Variants in SMYD2 observed in about 807,000 individuals in gnomAD.
SMYD2 encodes N-lysine methyltransferase SMYD2.
A neutral mutation model predicts 59.1 loss-of-function variants in SMYD2; 53 were observed. The ratio of observed to expected loss-of-function variants is 0.90; its 90% confidence interval spans 0.72 to 1.13. SMYD2 has a LOEUF of 1.13. SMYD2 is among the 50% of genes most tolerant of loss of function. SMYD2 has a pLI of 0.00. For synonymous variants in SMYD2, 208 were observed against 198.8 expected (o/e 1.05, Z -0.39); for missense variants, 494 against 544.7 (o/e 0.91, Z 0.93).
At chr1:214,284,081 G>A (rs545186853) in intron 1 of SMYD2, among the ~76,000 whole-genome samples, 126 of 152,106 alleles carry the variant, frequency 8.3e-4, no homozygotes, top group African/African-American at 2.9e-3. Flanking sequence ...GGTGCCATTG[G>A]AGAACATGCG....
rs1209462194 is a variant in SMYD2, at chr1:214,318,577, C to T, written c.410-282C>T. Among the ~76,000 whole-genome samples, 1 of 152,098 alleles carries T rather than the reference C, an allele frequency of 6.6e-6. No individual in the cohort carries two copies. Among genetic ancestry groups the T allele is most frequent in the African/African-American group, 2.4e-5 (1 of 41,402 alleles). Reference sequence around the variant, plus strand: ...TGAGGCTGGTTATGAGTCATTGCTACCCATCCCTGACCTCATTGCTAACAG... The same window carrying T: ...TGAGGCTGGTTATGAGTCATTGCTATCCATCCCTGACCTCATTGCTAACAG... On this transcript the variant is annotated intron_variant, in intron 4 of 11. Coordinates refer to ENST00000366957, the MANE Select transcript of SMYD2 (RefSeq NM_020197.3). This position sits in a 1 kb window ranked among gnomAD's most constrained non-coding sequence, Gnocchi z 5.4.
Position 214,281,192 on chromosome 1 carries a change from C to G in SMYD2, c.-63C>G. ...CCCCGCAGCTCTAGGTGACGCGTCT[C>G]CAATAACAGCTCGCCGGGAGCCGCA... On this transcript the variant is annotated 5_prime_UTR_variant, in exon 1 of 12. Coordinates refer to ENST00000366957, the MANE Select transcript of SMYD2 (RefSeq NM_020197.3). 8.5e-7 allele frequency: 1 copy of G among 1,180,922 alleles called. No individual in the cohort carries two copies. Among genetic ancestry groups the G allele is most frequent in the South Asian group, 4.2e-5 (1 of 23,650 alleles). 73.2% of individuals were successfully genotyped at this position (1,180,922 alleles called of 1,614,324 possible). A position where few individuals can be genotyped will look rare whatever the true frequency, so the allele number is the denominator to read the frequency against.
chr1:214,329,492 C>T lies in SMYD2; in HGVS notation c.706-676C>T, dbSNP rs191982164. Among the ~76,000 whole-genome samples the T allele has an allele frequency of 3.0e-3, 461 of 152,250 alleles. 4 individuals carry two copies. Among genetic ancestry groups the T allele is most frequent in the African/African-American group, 0.01 (421 of 41,548 alleles). On this transcript the variant is annotated intron_variant, in intron 7 of 11. Transcript: ENST00000366957. ...TATGCTCCAAGCCTTAGTTACAGAC[C>T]CCATTAGGAAAAGGCAAGGACGGTG...
At chr1:214,286,478 A>T (rs901206654) in intron 1 of SMYD2, among the ~76,000 whole-genome samples, 1 of 151,882 alleles carries the variant, frequency 6.6e-6, no homozygotes, top group African/African-American at 2.4e-5. Context: ...TAAAAAAAAT[A>T]AAAAAGTGTG....
At chr1:214,309,168 C>T (rs1656960792) in intron 2 of SMYD2, among the ~76,000 whole-genome samples, 1 of 152,172 alleles carries the variant, frequency 6.6e-6, no homozygotes, top group Non-Finnish European at 1.5e-5. Context: ...CCGTTACTTT[C>T]CTCTTAGTTC....
rs913124901 is a variant in SMYD2 at position 214,336,903 on chromosome 1, C to T, written c.*119C>T. On this transcript the variant is annotated 3_prime_UTR_variant, in exon 12 of 12. Coordinates refer to ENST00000366957, the MANE Select transcript of SMYD2 (RefSeq NM_020197.3). ...CTGTAAAATAATTGGAATGAAAATA[C>T]TTCTTGCACTTAAACACTGCACATG... The T allele has an allele frequency of 4.7e-6, 4 of 855,462 alleles. No homozygotes were observed. The highest frequency in any genetic ancestry group is 7.0e-6 in the Non-Finnish European group (4 of 570,358). 53.0% of individuals were successfully genotyped at this position (855,462 alleles called of 1,614,324 possible). A position where few individuals can be genotyped will look rare whatever the true frequency, so the allele number is the denominator to read the frequency against.
At chr1:214,294,700 C>T (rs755706657) in intron 1 of SMYD2, among the ~76,000 whole-genome samples, 18 of 152,104 alleles carry the variant, frequency 1.2e-4, no homozygotes, top group Admixed American at 2.0e-4. Flanking sequence ...ACACATTTTC[C>T]TGTAAGTAAG....
chr1:214,328,004 T>G (rs1348293451), intron 7 of SMYD2, among the ~76,000 whole-genome samples: 1 of 152,224 alleles, frequency 6.6e-6, no homozygotes, highest in African/African-American at 2.4e-5. Context: ...TCCCAAAGCT[T>G]TATAGAGATT....
chr1:214,334,187 TCTC>T lies in SMYD2; in HGVS notation c.1113-12_1113-10del, dbSNP rs1318231978. 6.2e-7 allele frequency: 1 copy of T among 1,611,462 alleles called. No individual in the cohort carries two copies. Among genetic ancestry groups the T allele is most frequent in the Admixed American group, 1.7e-5 (1 of 59,980 alleles). ...GCTGACATGGTGGCCTGTTGTCTCT[TCTC>T]TTGTTCTAGTAAGCACTATCCTTTG... On this transcript the variant is annotated splice_polypyrimidine_tract_variant and intron_variant, in intron 10 of 11. Transcript: ENST00000366957.
chr1:214,330,481 A>G (rs1657334238), intron 8 of SMYD2, among the ~76,000 whole-genome samples: 1 of 152,200 alleles, frequency 6.6e-6, no homozygotes, highest in Non-Finnish European at 1.5e-5. Context: ...CATTTCCATT[A>G]CACTGTACAA....
chr1:214,309,953 A>G (rs1656973840), intron 2 of SMYD2, among the ~76,000 whole-genome samples: 1 of 152,202 alleles, frequency 6.6e-6, no homozygotes, highest in African/African-American at 2.4e-5. Flanking sequence ...TGCTAGTGGA[A>G]AGCAGAAATC....
intron 1 of SMYD2, among the ~76,000 whole-genome samples, chr1:214,300,506 C>A (rs540597211): frequency 6.6e-6 from 1 of 152,200 alleles, no homozygotes; most frequent in African/African-American, 2.4e-5. Flanking sequence ...GATCCCCTCC[C>A]CATTGCATCT....
At chr1:214,287,093 T>C (rs1217206396) in intron 1 of SMYD2, among the ~76,000 whole-genome samples, 1 of 151,906 alleles carries the variant, frequency 6.6e-6, no homozygotes, top group Non-Finnish European at 1.5e-5. Flanking sequence ...CCTCCCAAAG[T>C]GCTGGGATTA....
chr1:214,308,440 C>G (rs1459057499), intron 2 of SMYD2, among the ~76,000 whole-genome samples: 1 of 152,114 alleles, frequency 6.6e-6, no homozygotes, highest in East Asian at 1.9e-4. Flanking sequence ...TAAAGGAAAT[C>G]ATTAGGGAGG....
chr1:214,318,172 C>A lies in SMYD2; in HGVS notation c.409+33C>A. ...TTTCTGTGACCAGCCGCGCAGTTCT[C>A]TCAGCCACAGATTTCACATGGGTTG... is the stretch of plus-strand genomic sequence containing the variant. On this transcript the variant is annotated intron_variant, in intron 4 of 11. Transcript: ENST00000366957. The surrounding 1 kb of genome is among the most constrained non-coding windows in gnomAD (Gnocchi z 5.4). 6.2e-7 allele frequency: 1 copy of A among 1,603,206 alleles called. No homozygotes were observed. The highest frequency in any genetic ancestry group is 8.5e-7 in the Non-Finnish European group (1 of 1,172,224).
intron 2 of SMYD2, among the ~76,000 whole-genome samples, chr1:214,313,651 A>G (rs953271096): frequency 1.3e-5 from 2 of 152,036 alleles, no homozygotes; most frequent in Admixed American, 6.5e-5. Context: ...TCAAGCTTCC[A>G]TGATTCCAAA....
intron 1 of SMYD2, among the ~76,000 whole-genome samples, chr1:214,302,203 A>G (rs761099227): frequency 1.3e-5 from 2 of 152,062 alleles, no homozygotes; most frequent in Non-Finnish European, 2.9e-5. Flanking sequence ...GCTGGGTGTC[A>G]TTACACATGC....
In SMYD2 at chr1:214,307,690, G is replaced by A. The variant is rs1004493957; in HGVS notation, c.237+2440G>A. 1.8e-4 allele frequency among the ~76,000 whole-genome samples: 27 copies of A among 152,088 alleles called. 1 individual carries two copies. Among genetic ancestry groups the A allele is most frequent in the Non-Finnish European group, 2.9e-5 (2 of 68,014 alleles). ...TGAGGTGGCAGTATTTTGATGAATC[G>A]TCATGGCCCACATTGGGATTTGAGA... On this transcript the variant is annotated intron_variant, in intron 2 of 11. Transcript: ENST00000366957.
chr1:214,330,876 TTA>T (rs1657341058), intron 8 of SMYD2, 72 bp from the exon 9 acceptor site: 1 of 1,605,746 alleles, frequency 6.2e-7, no homozygotes, highest in African/African-American at 1.3e-5. Context: ...GGAATGTGTA[TTA>T]TATGAGAGGT....
Sources: allele counts gnomAD v4.1 joint callset (sites outside exome capture counted in the v4.1 genomes callset), GRCh38; gene constraint gnomAD v4.1.1; non-coding constraint Gnocchi (gnomAD v3.1); transcripts MANE v1.5; gene names NCBI Gene and HGNC (gene_info 2026-07-23, HGNC 2026-07-21).